The following FILIP1L variants were observed in gnomAD, a reference collection of about 807,000 sequenced individuals.
The protein encoded by FILIP1L is filamin A interacting protein 1 like.
A neutral mutation model predicts 96.6 loss-of-function variants in FILIP1L; 55 were observed. The ratio of observed to expected loss-of-function variants is 0.57; its 90% CI spans 0.46 to 0.71. The LOEUF (loss-of-function observed/expected upper bound fraction) is 0.71. Ranked by LOEUF, FILIP1L falls within the 30% of genes least tolerant of loss-of-function variation. The pLI is 0.00. For synonymous variants in FILIP1L, 467 were observed against 473.9 expected (o/e 0.99, Z 0.19); for missense variants, 1,304 against 1,321.2 (o/e 0.99, Z 0.20).
At chr3:100,056,004 C>T (rs2065458158) in intron 1 of FILIP1L, among the ~76,000 whole-genome samples, 1 of 152,060 alleles carries the variant, frequency 6.6e-6, no homozygotes, top group African/African-American at 2.4e-5. Flanking sequence ...AGAAGGATAG[C>T]CTAGTTGATC....
intron 4 of FILIP1L, among the ~76,000 whole-genome samples, chr3:99,860,938 A>G (rs1944219615): frequency 6.6e-6 from 1 of 152,148 alleles, no homozygotes; most frequent in Non-Finnish European, 1.5e-5. Context: ...ATACCTACTC[A>G]AATGAAGTTT....
chr3:99,874,851 G>T (rs1435870593), intron 4 of FILIP1L, among the ~76,000 whole-genome samples: 1 of 152,154 alleles, frequency 6.6e-6, no homozygotes, highest in Non-Finnish European at 1.5e-5. Context: ...CACCTCAGTG[G>T]TTATAGTGCT....
intron 1 of FILIP1L, among the ~76,000 whole-genome samples, chr3:100,026,957 T>A (rs1244169914): frequency 6.6e-6 from 1 of 152,136 alleles, no homozygotes; most frequent in East Asian, 1.9e-4. Context: ...TGCAGCTACA[T>A]TGGCCTCCTG....
intron 1 of FILIP1L, among the ~76,000 whole-genome samples, chr3:100,100,246 G>C (rs2066281458): frequency 6.6e-6 from 1 of 152,148 alleles, no homozygotes; most frequent in South Asian, 2.1e-4. Context: ...CCTGAGGAAA[G>C]GGTTGGACAA....
chr3:100,003,767 G>T (rs898068238), intron 1 of FILIP1L, among the ~76,000 whole-genome samples: 1 of 152,114 alleles, frequency 6.6e-6, no homozygotes, highest in African/African-American at 2.4e-5. Flanking sequence ...GATGCTAAAA[G>T]TCAAGAGCAT....
chr3:99,857,586 T>C (rs1944027364), intron 4 of FILIP1L, among the ~76,000 whole-genome samples: 2 of 152,262 alleles, frequency 1.3e-5, no homozygotes, highest in African/African-American at 4.8e-5. Context: ...ATATCTATAA[T>C]CTGACCACCC....
chr3:99,872,297 G>GTGTC (rs1205248493), intron 4 of FILIP1L, among the ~76,000 whole-genome samples: 2 of 151,300 alleles, frequency 1.3e-5, no homozygotes, highest in Non-Finnish European at 3.0e-5. Flanking sequence ...GTGTGTGTGT[G>GTGTC]TGTGTGTGTG....
At chr3:100,051,846 T>TA (rs1199913608) in intron 1 of FILIP1L, among the ~76,000 whole-genome samples, 3 of 148,796 alleles carry the variant, frequency 2.0e-5, no homozygotes, top group Admixed American at 6.7e-5. Flanking sequence ...ATTATATATA[T>TA]TTTTTATAGT....
At chr3:100,091,864 A>C (rs912442020) in intron 1 of FILIP1L, among the ~76,000 whole-genome samples, 3 of 152,142 alleles carry the variant, frequency 2.0e-5, no homozygotes, top group Non-Finnish European at 4.4e-5. Context: ...GTTGGGCCTG[A>C]GTAAATATTA....
Position 100,087,572 on chromosome 3 carries a change from TTTAA to T in FILIP1L, c.-11+26477_-11+26480del, listed in dbSNP as rs544632495. Among the ~76,000 whole-genome samples, 43 of 152,274 alleles carry T rather than the reference TTTAA, an allele frequency of 2.8e-4. No individual in the cohort carries two copies. The South Asian group carries it at 3.9e-3, about 14-fold the overall frequency. The stretch of plus-strand genomic sequence containing the variant: ...CTTTTCAAACCTTTTGCTTTTTTTG[TTTAA>T]TTGTTTTCTTATTATTGAGTTTTGA... On this transcript the variant is annotated intron_variant, in intron 1 of 5. Transcript: ENST00000477258.
chr3:100,072,147 A>G (rs1001708078), intron 1 of FILIP1L, among the ~76,000 whole-genome samples: 3 of 152,224 alleles, frequency 2.0e-5, no homozygotes, highest in Admixed American at 2.0e-4. Context: ...AAGACCAAAC[A>G]CTAGGCAATA....
At position 99,930,015 on chromosome 3, in the gene FILIP1L, G is replaced by A; in HGVS notation, c.267C>T (p.Val89=). 2 of 1,610,770 alleles carry A rather than the reference G, an allele frequency of 1.2e-6. No homozygotes were observed. Among genetic ancestry groups the A allele is most frequent in the Non-Finnish European group, 1.7e-6 (2 of 1,178,796 alleles). ...TTTTTTCAGCCTTTAAAATGCCTAT[G>A]ACCTCATCTCGAGCCTGTAGGAACA... ...LEGELQARDE[V]IGILKAEKMD... is the part of the protein sequence containing the mutation. The change falls in exon 3 of 6, where the codon GTC becomes GTT. Residue 89 remains valine, a synonymous_variant. Transcript: ENST00000477258.
chr3:100,036,103 G>C (rs989849147), intron 1 of FILIP1L, among the ~76,000 whole-genome samples: 1 of 152,110 alleles, frequency 6.6e-6, no homozygotes, highest in Non-Finnish European at 1.5e-5. Flanking sequence ...TAATATAAAA[G>C]GAATTATGGT....
chr3:99,887,041 G>A (rs1207252679), intron 4 of FILIP1L, among the ~76,000 whole-genome samples: 1 of 151,758 alleles, frequency 6.6e-6, no homozygotes, highest in Non-Finnish European at 1.5e-5. Context: ...AGAGGCTGAG[G>A]TGGGTGGATC....
At chr3:99,957,344 A>C (rs2107696812) in intron 1 of FILIP1L, among the ~76,000 whole-genome samples, 1 of 152,364 alleles carries the variant, frequency 6.6e-6, no homozygotes, top group South Asian at 2.1e-4. Flanking sequence ...TATTTAGTTG[A>C]AGAAAGCCAA....
chr3:100,050,746 T>C lies in FILIP1L; in HGVS notation c.-11+63307A>G, dbSNP rs13434042. Reference sequence around the variant, plus strand: ...GGTTTCACCATGTTGGCCAGGCTGGTCTCGAACTCCTGACCTCAGGTGATC... The same window carrying C: ...GGTTTCACCATGTTGGCCAGGCTGGCCTCGAACTCCTGACCTCAGGTGATC... On this transcript the variant is annotated intron_variant, in intron 1 of 5. Transcript: ENST00000477258. Among the ~76,000 whole-genome samples, 755 of 152,226 alleles carry C rather than the reference T, an allele frequency of 5.0e-3. 5 individuals carry two copies. Among genetic ancestry groups the C allele is most frequent in the African/African-American group, 0.017 (710 of 41,512 alleles).
At chr3:100,097,369 G>A (rs2066228224) in intron 1 of FILIP1L, among the ~76,000 whole-genome samples, 1 of 152,174 alleles carries the variant, frequency 6.6e-6, no homozygotes, top group Non-Finnish European at 1.5e-5. Context: ...AGGAGGATCT[G>A]CATGGATTAT....
chr3:99,999,887 C>T (rs115829300), intron 1 of FILIP1L, among the ~76,000 whole-genome samples: 1 of 152,292 alleles, frequency 6.6e-6, no homozygotes, highest in African/African-American at 2.4e-5. Context: ...TTCAGTTTCA[C>T]ACATAGTCCA....
chr3:100,096,234 A>G (rs2066205149), intron 1 of FILIP1L, among the ~76,000 whole-genome samples: 1 of 152,142 alleles, frequency 6.6e-6, no homozygotes, highest in African/African-American at 2.4e-5. Flanking sequence ...TAGAGCTACC[A>G]TATGATCCAG....
Sources: allele counts gnomAD v4.1 joint callset (sites outside exome capture counted in the v4.1 genomes callset), GRCh38; gene constraint gnomAD v4.1.1; transcripts MANE v1.5; gene names NCBI Gene and HGNC (gene_info 2026-07-23, HGNC 2026-07-21).